Variants in SORCS3 observed in about 807,000 individuals in gnomAD.
The protein encoded by SORCS3 is sortilin related VPS10 domain containing receptor 3, also known as VPS10 domain-containing receptor SorCS3.
Under a neutral mutation model 146.3 loss-of-function variants are expected in SORCS3, and 57 were observed. The ratio of observed to expected loss-of-function variants is 0.39; its 90% CI spans 0.31 to 0.49. The LOEUF is 0.49. SORCS3 is among the 20% of genes least tolerant of loss of function. The probability of loss-of-function intolerance (pLI) is 0.92; values close to 1 mark genes in which losing one functional copy is unlikely to be tolerated. For missense variants in SORCS3, 1,341 were observed against 1,575.5 expected (o/e 0.85, Z 2.52); for synonymous variants, 653 against 618.5 (o/e 1.06, Z -0.83).
intron 1 of SORCS3, among the ~76,000 whole-genome samples, chr10:104,751,924 CATATATATATATATAT>C (rs71482435): frequency 0.038 from 1,473 of 38,440 alleles, 55 homozygotes; most frequent in African/African-American, 0.075. Context: ...TAATAGGAAG[CATATATATATATATAT>C]ATATATATAT....
At chr10:104,894,934 C>T (rs2018784424) in intron 2 of SORCS3, among the ~76,000 whole-genome samples, 1 of 152,092 alleles carries the variant, frequency 6.6e-6, no homozygotes, top group East Asian at 1.9e-4. Context: ...ATGGGAGAGG[C>T]TAGAGCTGGA....
At chr10:104,652,959 CAT>C (rs747282425) in intron 1 of SORCS3, among the ~76,000 whole-genome samples, 31 of 152,168 alleles carry the variant, frequency 2.0e-4, no homozygotes, top group Admixed American at 5.2e-4. Flanking sequence ...TAGCATAAGA[CAT>C]GTGCTAATTG....
intron 20 of SORCS3, among the ~76,000 whole-genome samples, chr10:105,243,676 A>G (rs749122784): frequency 1.1e-4 from 16 of 152,198 alleles, no homozygotes; most frequent in Non-Finnish European, 1.9e-4. Context: ...ATCCCTTTCC[A>G]TACTCCCTTT....
At chr10:104,647,383 C>T (rs1436005515) in intron 1 of SORCS3, among the ~76,000 whole-genome samples, 1 of 152,204 alleles carries the variant, frequency 6.6e-6, no homozygotes, top group African/African-American at 2.4e-5. Context: ...CTCAGTGGCT[C>T]TGTGAAACTT....
chr10:105,052,173 A>C lies in SORCS3; in HGVS notation c.1028+9045A>C, dbSNP rs60989383. Among the ~76,000 whole-genome samples the C allele has an allele frequency of 0.013, 1,959 of 152,282 alleles. 81 individuals are homozygous for C. In the East Asian group the frequency reaches 0.15, roughly 11 times the overall value. On this transcript the variant is annotated intron_variant, in intron 5 of 26. Coordinates refer to ENST00000369701, the MANE Select transcript of SORCS3 (RefSeq NM_014978.3). Reference sequence around the variant, plus strand: ...ATATGTAGCTAATGACTTCTTTGCTATGAAAAGTGGGAGTCATGTTTGGTC... The same window carrying C: ...ATATGTAGCTAATGACTTCTTTGCTCTGAAAAGTGGGAGTCATGTTTGGTC...
Position 105,178,057 on chromosome 10 carries a change from C to T in SORCS3, c.1902-9C>T. ...AGCTGTCTTTTTTGTGTACTTGTTT[C>T]CAACACAGGGTGAGTTTTGATGAGG... On this transcript the variant is annotated splice_polypyrimidine_tract_variant and intron_variant, in intron 13 of 26. Transcript: ENST00000369701. 2.5e-6 allele frequency: 4 copies of T among 1,604,454 alleles called. No homozygotes were observed. The highest frequency in any genetic ancestry group is 3.4e-6 in the Non-Finnish European group (4 of 1,172,214).
rs76954498 is a variant in SORCS3 at position 104,980,993 on chromosome 10, G to T, written c.954+3500G>T. ...GTCTACCTGATACCGGCCAAGGCCT[G>T]GGTGTGGGGAAGATCTTCTGAGTCC... is the stretch of plus-strand genomic sequence containing the variant. On this transcript the variant is annotated intron_variant, in intron 4 of 26. Coordinates refer to ENST00000369701, the MANE Select transcript of SORCS3 (RefSeq NM_014978.3). Among the ~76,000 whole-genome samples, 115 of 152,318 alleles carry T rather than the reference G, an allele frequency of 7.5e-4. 2 individuals are homozygous for T. The East Asian group carries it at 0.021, about 28-fold the overall frequency.
chr10:105,125,528 C>T (rs2055967073), intron 7 of SORCS3, among the ~76,000 whole-genome samples: 1 of 151,864 alleles, frequency 6.6e-6, no homozygotes, highest in African/African-American at 2.4e-5. Context: ...CATGATTCTC[C>T]TCCTTAAACA....
chr10:104,898,897 T>C (rs994615017), intron 2 of SORCS3, among the ~76,000 whole-genome samples: 1 of 152,166 alleles, frequency 6.6e-6, no homozygotes, highest in Admixed American at 6.5e-5. Flanking sequence ...TAACATAGTG[T>C]TAAGTCACTG....
intron 25 of SORCS3, among the ~76,000 whole-genome samples, chr10:105,257,190 G>A (rs7476310): frequency 1.3e-5 from 2 of 152,270 alleles, no homozygotes; most frequent in East Asian, 3.9e-4. Flanking sequence ...ATCTTCAAGA[G>A]AAGTGTAAGG....
chr10:104,711,290 C>A (rs2016413285), intron 1 of SORCS3, among the ~76,000 whole-genome samples: 1 of 152,120 alleles, frequency 6.6e-6, no homozygotes. Flanking sequence ...GACATCTGAT[C>A]CAGGTTTTAA....
intron 4 of SORCS3, among the ~76,000 whole-genome samples, chr10:104,992,229 T>C (rs920854743): frequency 1.3e-5 from 2 of 152,096 alleles, no homozygotes; most frequent in African/African-American, 4.8e-5. Context: ...GATTCCAAGC[T>C]GGTCTTTGGC....
intron 3 of SORCS3, among the ~76,000 whole-genome samples, chr10:104,928,658 G>A (rs1380678613): frequency 3.3e-5 from 5 of 152,130 alleles, no homozygotes; most frequent in Non-Finnish European, 7.3e-5. Flanking sequence ...CACTCTGCTG[G>A]TGAGCGTGTC....
Position 105,208,557 on chromosome 10 carries a change from A to G in SORCS3, c.2262-2580A>G, listed in dbSNP as rs141991397. On this transcript the variant is annotated intron_variant, in intron 16 of 26. Coordinates refer to ENST00000369701, the MANE Select transcript of SORCS3 (RefSeq NM_014978.3). ...GAGATAGCTAGTACCACAACATTAT[A>G]TAATATTCCCACCATGCAGATACAT... Among the ~76,000 whole-genome samples the G allele has an allele frequency of 3.4e-3, 518 of 151,436 alleles. 4 individuals are homozygous for G. Among genetic ancestry groups the G allele is most frequent in the African/African-American group, 0.012 (479 of 41,368 alleles).
At chr10:104,659,085 G>A (rs2133246126) in intron 1 of SORCS3, among the ~76,000 whole-genome samples, 1 of 152,278 alleles carries the variant, frequency 6.6e-6, no homozygotes, top group African/African-American at 2.4e-5. Flanking sequence ...TCACAACATG[G>A]TATTAAATTG....
rs146376055 is a variant in SORCS3 at position 104,902,289 on chromosome 10, T to C, written c.696-13544T>C. Among the ~76,000 whole-genome samples, 1,067 of 152,312 alleles carry C rather than the reference T, an allele frequency of 7.0e-3. 11 individuals are homozygous for C. Among genetic ancestry groups the C allele is most frequent in the African/African-American group, 0.025 (1,028 of 41,558 alleles). On this transcript the variant is annotated intron_variant, in intron 2 of 26. Transcript: ENST00000369701. ...TTTCTGACTGGGACTCTGGCTCCTG[T>C]CAGCACCTTCACTTGCCCAGTTGAG... is the stretch of plus-strand genomic sequence containing the variant.
intron 1 of SORCS3, among the ~76,000 whole-genome samples, chr10:104,738,382 G>A (rs1050718785): frequency 2.6e-5 from 4 of 152,050 alleles, no homozygotes; most frequent in Admixed American, 1.3e-4. Context: ...CGATCCAGCC[G>A]AGGCACTTTC....
rs117015194 is a variant in SORCS3, at chr10:104,874,962, A to G, written c.695+32103A>G. On this transcript the variant is annotated intron_variant, in intron 2 of 26. Coordinates refer to ENST00000369701, the MANE Select transcript of SORCS3 (RefSeq NM_014978.3). ...CCATAATAACTTGAATCCTTGAATT[A>G]CACTATGTGATCACAGTCTCCTATT... is the stretch of plus-strand genomic sequence containing the variant. Among the ~76,000 whole-genome samples the G allele has an allele frequency of 5.0e-3, 757 of 152,304 alleles. 2 individuals are homozygous for G. Among genetic ancestry groups the G allele is most frequent in the Non-Finnish European group, 6.8e-3 (463 of 68,022 alleles).
At chr10:105,021,889 C>T (rs2055200207) in intron 4 of SORCS3, among the ~76,000 whole-genome samples, 1 of 152,178 alleles carries the variant, frequency 6.6e-6, no homozygotes, top group Non-Finnish European at 1.5e-5. Flanking sequence ...GCAGTTCTTC[C>T]ATGGAAAGAC....
Sources: allele counts gnomAD v4.1 joint callset (sites outside exome capture counted in the v4.1 genomes callset), GRCh38; gene constraint gnomAD v4.1.1; transcripts MANE v1.5; gene names NCBI Gene and HGNC (gene_info 2026-07-23, HGNC 2026-07-21).